The following NHS variants were observed in gnomAD, a reference collection of about 807,000 sequenced individuals.
NHS encodes actin remodeling regulator NHS.
In NHS, 5 loss-of-function variants were observed where a neutral mutation model predicts 72.5. The observed-to-expected ratio is 0.07, with a 90% CI of 0.04 to 0.14. NHS has a LOEUF of 0.14. Ranked by LOEUF, NHS falls within the 10% of genes least tolerant of loss-of-function variation. The probability of loss-of-function intolerance (pLI) is 1.00; values close to 1 mark genes in which losing one functional copy is unlikely to be tolerated. For missense variants in NHS, 1,072 were observed against 1,355.7 expected, an observed-to-expected ratio of 0.79 and a Z score of 3.29; for synonymous variants, 464 against 547.7, an observed-to-expected ratio of 0.85 and a Z score of 2.13.
At chrX:17,465,618 A>C (rs1477322882) in intron 1 of NHS, among the ~76,000 whole-genome samples, 2 of 3,115 alleles carry the variant, frequency 6.4e-4, no homozygotes, top group Non-Finnish European at 0.013. Flanking sequence ...TTCCAGGACA[A>C]AAAAAAAAAA....
chrX:17,646,685 G>A (rs985596592), intron 1 of NHS, among the ~76,000 whole-genome samples: 5 of 112,020 alleles, frequency 4.5e-5, no homozygotes, highest in African/African-American at 6.5e-5. Context: ...TTCAGAACCT[G>A]AACTAGGTGA....
At chrX:17,638,866 A>G (rs2147074234) in intron 1 of NHS, among the ~76,000 whole-genome samples, 1 of 111,842 alleles carries the variant, frequency 8.9e-6, no homozygotes, top group East Asian at 2.8e-4. Context: ...GCAGAGGGCC[A>G]GGACAGTGGG....
intron 1 of NHS, among the ~76,000 whole-genome samples, chrX:17,457,219 T>G (rs1430100740): frequency 1.8e-5 from 2 of 111,997 alleles, no homozygotes; most frequent in Non-Finnish European, 3.8e-5. Context: ...AGAGAGGTCG[T>G]CTTAGTCCAT....
intron 1 of NHS, among the ~76,000 whole-genome samples, chrX:17,667,005 A>G (rs1178572989): frequency 8.9e-6 from 1 of 112,112 alleles, no homozygotes; most frequent in Non-Finnish European, 1.9e-5. Context: ...AACACTAAGG[A>G]CACTTAGAAA....
At chrX:17,596,794 G>C (rs1259300445) in intron 1 of NHS, among the ~76,000 whole-genome samples, 2 of 111,740 alleles carry the variant, frequency 1.8e-5, no homozygotes, top group Non-Finnish European at 3.8e-5. Flanking sequence ...GGGAAGTGAG[G>C]GATCAGGACC....
At chrX:17,429,257 T>TGTGC (rs1460333806) in intron 1 of NHS, among the ~76,000 whole-genome samples, 2,964 of 106,500 alleles carry the variant, frequency 0.028, 130 homozygotes, top group African/African-American at 0.099. Flanking sequence ...TGTGTGTGTG[T>TGTGC]GCACACGTGC....
intron 1 of NHS, among the ~76,000 whole-genome samples, chrX:17,602,773 T>C (rs1325236579): frequency 1.2e-4 from 13 of 109,801 alleles, no homozygotes; most frequent in Non-Finnish European, 1.9e-5. Context: ...TCTTTTTTTT[T>C]ACATTTTTAA....
rs189404594 is a variant in NHS at position 17,728,234 on chromosome X, G to C, written c.4128G>C (p.Gln1376His). 73 of 1,210,057 alleles carry C rather than the reference G, an allele frequency of 6.0e-5. 1 individual carries two copies. In the East Asian group the frequency reaches 2.0e-3, roughly 32 times the overall value. ...VNSFPEKCSK[Q>H]ENIASGISAK... ...CATTCCCTGAAAAATGTTCCAAGCA[G>C]GAAAATATTGCTTCAGGTATTTCAG... The change falls in exon 7 of 9, where the codon CAG becomes CAC. Residue 1376 changes from glutamine (Q) to histidine (H), a missense_variant. By Grantham distance (24) the Gln-to-His change is conservative (BLOSUM62 0). Transcript: ENST00000676302.
chrX:17,713,928 A>T (rs1037010456), intron 3 of NHS, among the ~76,000 whole-genome samples: 2 of 111,767 alleles, frequency 1.8e-5, no homozygotes, highest in Non-Finnish European at 3.8e-5. Context: ...TGTTGAAGCA[A>T]CTCATGGGAA....
At chrX:17,546,574 A>G (rs2065294475) in intron 1 of NHS, among the ~76,000 whole-genome samples, 1 of 112,114 alleles carries the variant, frequency 8.9e-6, no homozygotes, top group Non-Finnish European at 1.9e-5. Flanking sequence ...ACATAACTGA[A>G]TGCCAGGCAT....
At chrX:17,495,673 A>T (rs373760179) in intron 1 of NHS, among the ~76,000 whole-genome samples, 2 of 112,273 alleles carry the variant, frequency 1.8e-5, no homozygotes, top group African/African-American at 6.5e-5. Flanking sequence ...GCCTATTGGC[A>T]TATTTCAGCC....
intron 1 of NHS, among the ~76,000 whole-genome samples, chrX:17,606,272 G>A (rs1316467544): frequency 8.9e-6 from 1 of 111,920 alleles, no homozygotes; most frequent in South Asian, 3.7e-4. Flanking sequence ...CCTGGCCATG[G>A]TGGTTCCTGG....
At chrX:17,695,620 G>A (rs2066224111) in intron 3 of NHS, among the ~76,000 whole-genome samples, 1 of 111,353 alleles carries the variant, frequency 9.0e-6, no homozygotes, top group Non-Finnish European at 1.9e-5. Flanking sequence ...GAACTCCTAA[G>A]GGTGCCGTGG....
chrX:17,426,614 G>A (rs751926650), intron 1 of NHS, among the ~76,000 whole-genome samples: 1 of 112,310 alleles, frequency 8.9e-6, no homozygotes, highest in South Asian at 3.8e-4. Context: ...TTTGATGAGT[G>A]CTTGGCTGCT....
At chrX:17,560,769 A>G (rs960029281) in intron 1 of NHS, among the ~76,000 whole-genome samples, 4 of 112,042 alleles carry the variant, frequency 3.6e-5, no homozygotes, top group Non-Finnish European at 5.6e-5. Context: ...AAAGCCTCCT[A>G]TTGTTTTTCA....
At chrX:17,657,749 C>T (rs1258885030) in intron 1 of NHS, among the ~76,000 whole-genome samples, 16 of 112,831 alleles carry the variant, frequency 1.4e-4, no homozygotes, top group Admixed American at 6.5e-4. Context: ...CCATCCCTGG[C>T]TTTACATCCC....
At chrX:17,401,001 A>T (rs1481263125) in intron 1 of NHS, among the ~76,000 whole-genome samples, 1 of 112,520 alleles carries the variant, frequency 8.9e-6, no homozygotes, top group East Asian at 2.8e-4. Flanking sequence ...TTACAAAACT[A>T]CAGTAATCAA....
At chrX:17,635,645 G>A in intron 1 of NHS, 1 of 1,130,394 alleles carries the variant, frequency 8.8e-7, no homozygotes, top group Non-Finnish European at 1.2e-6. Flanking sequence ...AAGGGGAGGG[G>A]GAGGCTGGGT....
intron 5 of NHS, among the ~76,000 whole-genome samples, chrX:17,722,692 A>T (rs1046346568): frequency 8.1e-5 from 9 of 111,340 alleles, no homozygotes; most frequent in Non-Finnish European, 1.5e-4. Context: ...TATTCTAAAG[A>T]TGTGCCCCTA....
Sources: allele counts gnomAD v4.1 joint callset (sites outside exome capture counted in the v4.1 genomes callset), GRCh38; gene constraint gnomAD v4.1.1; transcripts MANE v1.5; gene names NCBI Gene and HGNC (gene_info 2026-07-23, HGNC 2026-07-21).